The following UEVLD variants were observed in gnomAD, a reference collection of about 807,000 sequenced individuals.
UEVLD encodes ubiquitin-conjugating enzyme E2 variant 3.
Under a neutral mutation model 58.6 loss-of-function variants are expected in UEVLD, and 47 were observed. The observed-to-expected ratio is 0.80, with a 90% CI of 0.63 to 1.02. The LOEUF (loss-of-function observed/expected upper bound fraction) is 1.02. Ranked by LOEUF, UEVLD falls within the 50% of genes least tolerant of loss-of-function variation. The pLI, the probability that UEVLD is intolerant of heterozygous loss-of-function variation, is 0.00. For missense variants in UEVLD, 510 were observed against 550.6 expected (o/e 0.93, Z 0.74); for synonymous variants, 197 against 195.3 (o/e 1.01, Z -0.07).
At chr11:18,549,279 TATTAGTGGA>T (rs1851428705) in intron 7 of UEVLD, among the ~76,000 whole-genome samples, 1 of 152,222 alleles carries the variant, frequency 6.6e-6, no homozygotes, top group Non-Finnish European at 1.5e-5. Flanking sequence ...TATTATGAAA[TATTAGTGGA>T]CAGTTCAATT....
chr11:18,562,985 G>A (rs973421136), intron 6 of UEVLD, among the ~76,000 whole-genome samples: 1 of 151,798 alleles, frequency 6.6e-6, no homozygotes, highest in Non-Finnish European at 1.5e-5. Flanking sequence ...GATAGAGACC[G>A]CAGTAAGCCA....
chr11:18,530,559 TA>T lies in UEVLD; in HGVS notation c.*1760del, dbSNP rs1280189595. ...ACCTATTATATGCTTGCTTTATTTT[TA>T]TTTTTTTAGAGACAGGGTCTCACTC... On this transcript the variant is annotated 3_prime_UTR_variant, in exon 12 of 12. Transcript: ENST00000396197. 3.2e-4 allele frequency: 49 copies of T among 152,358 alleles called. No individual in the cohort carries two copies. The highest frequency in any genetic ancestry group is 1.1e-3 in the African/African-American group (46 of 41,502). The allele number at this position is 152,358 out of a possible 1,614,324, so 9.4% of individuals were successfully genotyped here.
intron 10 of UEVLD, among the ~76,000 whole-genome samples, chr11:18,535,973 A>G (rs929021939): frequency 6.6e-6 from 1 of 152,172 alleles, no homozygotes; most frequent in Non-Finnish European, 1.5e-5. Flanking sequence ...CGTCTCTACT[A>G]AAATACAAAA....
intron 1 of UEVLD, among the ~76,000 whole-genome samples, chr11:18,580,510 G>A (rs1853183355): frequency 6.6e-6 from 1 of 151,952 alleles, no homozygotes; most frequent in East Asian, 1.9e-4. Flanking sequence ...TCCATAAAAT[G>A]AAATATTCAA....
At chr11:18,562,538 T>A (rs1350030485) in intron 6 of UEVLD, among the ~76,000 whole-genome samples, 3 of 150,458 alleles carry the variant, frequency 2.0e-5, no homozygotes, top group African/African-American at 7.3e-5. Flanking sequence ...CGAGACTCCA[T>A]CTCCAAAGAA....
chr11:18,576,991 T>C (rs989678973), intron 2 of UEVLD, among the ~76,000 whole-genome samples: 1 of 152,178 alleles, frequency 6.6e-6, no homozygotes, highest in African/African-American at 2.4e-5. Flanking sequence ...AAGACCAGCC[T>C]GGCCAACATG....
intron 10 of UEVLD, 105 bp downstream of exon 10, chr11:18,536,301 G>A: frequency 9.3e-7 from 1 of 1,070,826 alleles, no homozygotes; most frequent in Non-Finnish European, 1.4e-6. Context: ...GTCCATATTA[G>A]TTTTGTTTCC....
rs908236503 is a variant in UEVLD, at chr11:18,546,869, A to C, written c.886+11T>G. The C allele has an allele frequency of 6.2e-7, 1 of 1,609,878 alleles. No individual in the cohort carries two copies. Among genetic ancestry groups the C allele is most frequent in the Non-Finnish European group, 8.5e-7 (1 of 1,179,170 alleles). On this transcript the variant is annotated intron_variant, in intron 8 of 11. Transcript: ENST00000396197. ...TGGACCATCAACTTAATTTAAAATA[A>C]AGCATTTTACCTGGTTGAGATGCAA...
At chr11:18,560,138 C>CACAGAG (rs368897951) in intron 6 of UEVLD, among the ~76,000 whole-genome samples, 11 of 74,840 alleles carry the variant, frequency 1.5e-4, no homozygotes, top group Non-Finnish European at 2.3e-4. Context: ...CACACACACA[C>CACAGAG]AGAGAGAGAA....
At position 18,556,422 on chromosome 11, in the gene UEVLD, T is replaced by G. The variant is rs141167419; in HGVS notation, c.715+1806A>C. Among the ~76,000 whole-genome samples, 293 of 152,368 alleles carry G rather than the reference T, an allele frequency of 1.9e-3. 2 individuals are homozygous for G. The highest frequency in any genetic ancestry group is 0.016 in the Admixed American group (247 of 15,302). On this transcript the variant is annotated intron_variant, in intron 7 of 11. Transcript: ENST00000396197. ...GCAGCCGAAGGCTTACTAAAACTTT[T>G]ACACCTAACTTTTACAACTGATAGG...
intron 6 of UEVLD, 52 bp from the exon 7 acceptor site, chr11:18,558,382 T>C (rs751287117): frequency 7.9e-7 from 1 of 1,264,976 alleles, no homozygotes; most frequent in African/African-American, 1.5e-5. Context: ...TGACTCAATT[T>C]AAATTCATTC....
intron 11 of UEVLD, among the ~76,000 whole-genome samples, chr11:18,533,600 CAGTA>C (rs375493486): frequency 2.0e-5 from 3 of 152,072 alleles, no homozygotes; most frequent in East Asian, 3.9e-4. Flanking sequence ...TGATAAATGA[CAGTA>C]AGAAGAAATT....
intron 1 of UEVLD, among the ~76,000 whole-genome samples, chr11:18,583,637 C>CA (rs141246442): frequency 1.4e-3 from 6 of 4,318 alleles, no homozygotes; most frequent in Non-Finnish European, 4.7e-3. Context: ...AGGAAGGAAT[C>CA]TTTATTAAGT....
intron 11 of UEVLD, among the ~76,000 whole-genome samples, chr11:18,533,684 G>C (rs1850669636): frequency 6.6e-6 from 1 of 152,172 alleles, no homozygotes; most frequent in Non-Finnish European, 1.5e-5. Context: ...CCTGATAGAA[G>C]TCCACACTTT....
At position 18,534,454 on chromosome 11, in the gene UEVLD, C is replaced by T; in HGVS notation, c.1125-1G>A. 6.4e-7 allele frequency: 1 copy of T among 1,561,214 alleles called. No homozygotes were observed. Among genetic ancestry groups the T allele is most frequent in the Non-Finnish European group, 8.6e-7 (1 of 1,164,080 alleles). Reference sequence around the variant, plus strand: ...TTTTACTCTTAGCAGTTCCATGGCTCTAGGTTACAAAAATACGTGATCTCA... The same window carrying T: ...TTTTACTCTTAGCAGTTCCATGGCTTTAGGTTACAAAAATACGTGATCTCA... On this transcript the variant is annotated splice_acceptor_variant, in intron 10 of 11. Coordinates refer to ENST00000396197, the MANE Select transcript of UEVLD (RefSeq NM_001040697.4). LOFTEE classifies it high-confidence loss of function.
At chr11:18,585,341 T>G (rs192679756) in intron 1 of UEVLD, among the ~76,000 whole-genome samples, 1 of 152,364 alleles carries the variant, frequency 6.6e-6, no homozygotes, top group African/African-American at 2.4e-5. Context: ...TACATTTAGG[T>G]CTTTAATCCA....
chr11:18,561,711 G>A (rs12226584), intron 6 of UEVLD, among the ~76,000 whole-genome samples: 30,565 of 151,864 alleles, frequency 0.2, 3,227 homozygotes, highest in East Asian at 0.25. Context: ...GTGTGGTGAC[G>A]GGTGCCTGTA....
chr11:18,587,856 T>TA (rs1204756654), intron 1 of UEVLD: 4 of 151,822 alleles, frequency 2.6e-5, no homozygotes, highest in African/African-American at 9.7e-5. Flanking sequence ...TGGTGAAAAC[T>TA]AGTCTTCTTA....
At chr11:18,555,304 T>G (rs558659768) in intron 7 of UEVLD, among the ~76,000 whole-genome samples, 2 of 151,982 alleles carry the variant, frequency 1.3e-5, no homozygotes, top group Non-Finnish European at 2.9e-5. Flanking sequence ...TGGGCACCTG[T>G]AGTCCCAGCT....
Sources: gnomAD v4.1 joint callset for allele counts (sites outside exome capture counted in the v4.1 genomes callset) on GRCh38, gnomAD v4.1.1 for gene constraint, MANE v1.5 for transcripts, NCBI Gene and HGNC (gene_info 2026-07-23, HGNC 2026-07-21) for gene names.